PRDM5: variants seen among roughly 807,000 people sequenced by gnomAD.
PRDM5 encodes the protein PR domain zinc finger protein 5.
A neutral mutation model predicts 81.2 loss-of-function variants in PRDM5; 56 were observed. The observed-to-expected ratio is 0.69, with a 90% CI of 0.56 to 0.86. The LOEUF is 0.86. Ranked by LOEUF, PRDM5 falls within the 40% of genes least tolerant of loss-of-function variation. PRDM5 has a pLI of 0.00. For missense variants in PRDM5, 697 were observed against 770.1 expected (o/e 0.91, Z 1.12); for synonymous variants, 267 against 256.4 (o/e 1.04, Z -0.39).
intron 15 of PRDM5, among the ~76,000 whole-genome samples, chr4:120,702,819 G>A (rs1009100174): frequency 2.6e-5 from 4 of 151,970 alleles, no homozygotes; most frequent in Non-Finnish European, 4.4e-5. Flanking sequence ...TATTTCTCTC[G>A]CCCCTTCTCC....
intron 10 of PRDM5, among the ~76,000 whole-genome samples, chr4:120,795,723 G>A (rs1428035460): frequency 6.6e-6 from 1 of 152,076 alleles, no homozygotes; most frequent in Non-Finnish European, 1.5e-5. Flanking sequence ...GACCAGCCTG[G>A]CCAATAGGGT....
At chr4:120,814,040 C>A (rs532640758) in intron 7 of PRDM5, among the ~76,000 whole-genome samples, 1 of 152,294 alleles carries the variant, frequency 6.6e-6, no homozygotes, top group South Asian at 2.1e-4. Context: ...CTTTTTCACC[C>A]TAGAAGAATC....
chr4:120,837,408 A>G (rs1040061373), intron 3 of PRDM5: 3 of 152,220 alleles, frequency 2.0e-5, no homozygotes, highest in Non-Finnish European at 4.4e-5. Context: ...GTTCTAGATT[A>G]TGTCAACAGA....
intron 2 of PRDM5, among the ~76,000 whole-genome samples, chr4:120,889,426 G>A (rs1427029525): frequency 6.6e-6 from 1 of 151,962 alleles, no homozygotes; most frequent in Non-Finnish European, 1.5e-5. Flanking sequence ...GGTTGTATAA[G>A]TCCTCCAGTT....
At chr4:120,879,088 C>A (rs906223341) in intron 2 of PRDM5, among the ~76,000 whole-genome samples, 1 of 152,110 alleles carries the variant, frequency 6.6e-6, no homozygotes, top group African/African-American at 2.4e-5. Flanking sequence ...AAAAACTGCC[C>A]ACAAATAATT....
chr4:120,901,006 T>C (rs1166984799), intron 2 of PRDM5, among the ~76,000 whole-genome samples: 1 of 152,214 alleles, frequency 6.6e-6, no homozygotes, highest in African/African-American at 2.4e-5. Flanking sequence ...TTAAGCACTT[T>C]TATATATGTC....
At chr4:120,892,192 G>C (rs1764127792) in intron 2 of PRDM5, among the ~76,000 whole-genome samples, 1 of 151,842 alleles carries the variant, frequency 6.6e-6, no homozygotes, top group Non-Finnish European at 1.5e-5. Context: ...ATGATTTTAG[G>C]GTTTTTTTTT....
intron 3 of PRDM5, among the ~76,000 whole-genome samples, chr4:120,834,685 A>C (rs1757135920): frequency 6.6e-6 from 1 of 152,210 alleles, no homozygotes; most frequent in Non-Finnish European, 1.5e-5. Flanking sequence ...CATTTATATC[A>C]GTAGAGTAGA....
Position 120,750,735 on chromosome 4 carries a change from ACATT to A in PRDM5, c.1623+3814_1623+3817del, listed in dbSNP as rs767315023. On this transcript the variant is annotated intron_variant, in intron 14 of 15. Transcript: ENST00000264808. Reference sequence around the variant, plus strand: ...ACACACACACGCGCACACAAAACAGACATTCAATCAAAAATTATGTTACACTTGA... The same window carrying A: ...ACACACACACGCGCACACAAAACAGACAATCAAAAATTATGTTACACTTGA... Among the ~76,000 whole-genome samples the A allele has an allele frequency of 5.3e-5, 8 of 151,884 alleles. No individual in the cohort carries two copies. The South Asian group carries it at 1.0e-3, about 20-fold the overall frequency.
At chr4:120,848,820 A>G (rs977696768) in intron 3 of PRDM5, among the ~76,000 whole-genome samples, 2 of 152,182 alleles carry the variant, frequency 1.3e-5, no homozygotes, top group Non-Finnish European at 2.9e-5. Context: ...GACCAATTGC[A>G]TTTTTACTTT....
chr4:120,726,442 A>T (rs1396071530), intron 14 of PRDM5, among the ~76,000 whole-genome samples: 2 of 152,204 alleles, frequency 1.3e-5, no homozygotes, highest in South Asian at 2.1e-4. Flanking sequence ...GTTTAGACAC[A>T]CTGGTGCCTT....
chr4:120,719,477 C>A (rs73845446), intron 14 of PRDM5, among the ~76,000 whole-genome samples: 20,377 of 152,098 alleles, frequency 0.13, 1,545 homozygotes, highest in Middle Eastern at 0.21. Flanking sequence ...TTGTGGGCTG[C>A]CACTGGTCTG....
At position 120,693,144 on chromosome 4, in the gene PRDM5, CCA is replaced by C. The variant is rs1734185150; in HGVS notation, c.*1965_*1966del. ...CTGTTTACTCCACAGCATAGCGACA[CCA>C]CAGTTTTCAGGGTAATTTCCCCAGC... On this transcript the variant is annotated 3_prime_UTR_variant, in exon 16 of 16. Coordinates refer to ENST00000264808, the MANE Select transcript of PRDM5 (RefSeq NM_018699.4). 1 of 152,090 alleles carries C rather than the reference CCA, an allele frequency of 6.6e-6. No homozygotes were observed. The highest frequency in any genetic ancestry group is 1.5e-5 in the Non-Finnish European group (1 of 68,018). The allele number at this position is 152,090 out of a possible 1,614,324, so 9.4% of individuals were successfully genotyped here.
chr4:120,824,561 A>G (rs1256362412), intron 3 of PRDM5, among the ~76,000 whole-genome samples: 1 of 152,212 alleles, frequency 6.6e-6, no homozygotes, highest in Non-Finnish European at 1.5e-5. Context: ...TGAATACAAC[A>G]TATTTATAGA....
intron 2 of PRDM5, among the ~76,000 whole-genome samples, chr4:120,905,433 T>C (rs1012614558): frequency 6.6e-6 from 1 of 152,194 alleles, no homozygotes; most frequent in Admixed American, 6.5e-5. Context: ...AATACTGATA[T>C]AGGAGTAAAG....
intron 14 of PRDM5, among the ~76,000 whole-genome samples, chr4:120,719,575 T>C (rs900279362): frequency 1.3e-5 from 2 of 152,194 alleles, no homozygotes; most frequent in East Asian, 1.9e-4. Flanking sequence ...ATAATCTAGA[T>C]GAACAAATTC....
At chr4:120,837,324 T>C (rs1041879958) in intron 3 of PRDM5, 2 of 152,266 alleles carry the variant, frequency 1.3e-5, no homozygotes, top group African/African-American at 4.8e-5. Context: ...AAGTTTTTTA[T>C]GTTTTTTCTG....
intron 14 of PRDM5, among the ~76,000 whole-genome samples, chr4:120,711,839 G>A (rs1052129603): frequency 1.2e-4 from 18 of 151,882 alleles, no homozygotes; most frequent in African/African-American, 2.7e-4. Context: ...TTTTTAGCCC[G>A]GATTAATTGT....
At chr4:120,716,166 T>C (rs1479109306) in intron 14 of PRDM5, among the ~76,000 whole-genome samples, 1 of 152,054 alleles carries the variant, frequency 6.6e-6, no homozygotes, top group Non-Finnish European at 1.5e-5. Context: ...ATTTTTCACA[T>C]GTTTATACAT....
Sources: gnomAD v4.1 joint callset for allele counts (sites outside exome capture counted in the v4.1 genomes callset) on GRCh38, gnomAD v4.1.1 for gene constraint, MANE v1.5 for transcripts, NCBI Gene and HGNC (gene_info 2026-07-23, HGNC 2026-07-21) for gene names.